Variants in PLBD2 observed in about 807,000 individuals in gnomAD.
PLBD2 encodes putative aminopeptidase PLBD2.
In PLBD2, 51 loss-of-function variants were observed where a neutral mutation model predicts 68.3. The observed-to-expected ratio is 0.75, with a 90% confidence interval of 0.60 to 0.94. The LOEUF (loss-of-function observed/expected upper bound fraction) is 0.94, where lower values mean the gene tolerates loss of function less well. Among genes scored for constraint, PLBD2 ranks in the 40% least tolerant of loss-of-function variants. The pLI is 0.00. For missense variants in PLBD2, 729 were observed against 792.2 expected (o/e 0.92, Z 0.96); for synonymous variants, 314 against 339.3 (o/e 0.93, Z 0.82).
intron 1 of PLBD2, among the ~76,000 whole-genome samples, chr12:113,359,842 CA>C (rs1593276083): frequency 2.0e-5 from 3 of 152,200 alleles, no homozygotes; most frequent in Admixed American, 2.0e-4. Context: ...GGATCAGCTT[CA>C]AAGCCTTGTC....
chr12:113,367,108 G>A (rs984924861), intron 1 of PLBD2, among the ~76,000 whole-genome samples: 3 of 152,052 alleles, frequency 2.0e-5, no homozygotes, highest in African/African-American at 4.8e-5. Context: ...GCTTGGCCCC[G>A]TATTCTCAAT....
chr12:113,379,155 A>G (rs1411471965), intron 5 of PLBD2, among the ~76,000 whole-genome samples: 3 of 152,094 alleles, frequency 2.0e-5, no homozygotes, highest in Admixed American at 6.6e-5. Context: ...TAAAAATACA[A>G]AAATTAGCTA....
In PLBD2 at chr12:113,384,026, G is replaced by A; in HGVS notation, c.958-79G>A. On this transcript the variant is annotated intron_variant, in intron 6 of 11. Coordinates refer to ENST00000280800, the MANE Select transcript of PLBD2 (RefSeq NM_173542.4). The surrounding 1 kb of genome is among the most constrained non-coding windows in gnomAD (Gnocchi z 4.2). ...AAAAAAAAAAAAAAAAAAAATTTTT[G>A]GAGCCATGACTGATGAAGTACTGCC... The A allele has an allele frequency of 1.1e-6, 1 of 903,050 alleles. No individual in the cohort carries two copies. The highest frequency in any genetic ancestry group is 1.5e-6 in the Non-Finnish European group (1 of 650,758). The allele number at this position is 903,050 out of a possible 1,614,324, so 55.9% of individuals were successfully genotyped here. A position where few individuals can be genotyped will look rare whatever the true frequency, so the allele number is the denominator to read the frequency against.
intron 8 of PLBD2, 95 bp from the exon 9 acceptor site, chr12:113,385,117 G>A (rs1484502016): frequency 7.1e-7 from 1 of 1,415,114 alleles, no homozygotes; most frequent in African/African-American, 1.4e-5. Flanking sequence ...CCATCCTCCA[G>A]GCAATGGGGA....
At chr12:113,373,926 C>A (rs1026479803) in intron 3 of PLBD2, among the ~76,000 whole-genome samples, 1 of 148,096 alleles carries the variant, frequency 6.8e-6, no homozygotes, top group African/African-American at 2.5e-5. Context: ...CCCACTCACC[C>A]ACCCATACAT....
At chr12:113,368,855 G>T (rs1271977514) in intron 1 of PLBD2, among the ~76,000 whole-genome samples, 4 of 152,132 alleles carry the variant, frequency 2.6e-5, no homozygotes, top group Admixed American at 2.6e-4. Flanking sequence ...TGTTATTGTG[G>T]GTAAGGGAAT....
intron 2 of PLBD2, among the ~76,000 whole-genome samples, chr12:113,370,493 T>TTTTTTTTTTTTTG (rs1957380700): frequency 6.9e-6 from 1 of 144,506 alleles, no homozygotes; most frequent in Non-Finnish European, 1.5e-5. Context: ...TTTTTTTTTT[T>TTTTTTTTTTTTTG]TGAGACAGAG....
At chr12:113,360,431 G>A (rs1206937178) in intron 1 of PLBD2, among the ~76,000 whole-genome samples, 1 of 152,232 alleles carries the variant, frequency 6.6e-6, no homozygotes, top group Non-Finnish European at 1.5e-5. Flanking sequence ...TTGGCCTCTG[G>A]AGGCCCCTCC....
rs1483685403 is a variant in PLBD2 at position 113,358,713 on chromosome 12, T to A, written c.113T>A (p.Leu38Gln). The A allele has an allele frequency of 7.2e-7, 1 of 1,395,182 alleles. No homozygotes were observed. The highest frequency in any genetic ancestry group is 3.1e-5 in the East Asian group (1 of 32,574). 86.4% of individuals were successfully genotyped at this position (1,395,182 alleles called of 1,614,324 possible). Residue 38 changes from leucine (L) to glutamine (Q), a missense_variant, in exon 1 of 12, where the codon CTG becomes CAG. Physicochemically the swap from Leu to Gln is moderately radical, Grantham distance 113. Transcript: ENST00000280800. ...ALLVGPFLSG[L>Q]AGAIPAPGGR... ...CTGGTCGGGCCGTTCCTGAGCGGCC[T>A]GGCGGGGGCGATCCCAGCGCCGGGG... is the stretch of plus-strand genomic sequence containing the variant.
At chr12:113,368,445 G>A (rs965799582) in intron 1 of PLBD2, among the ~76,000 whole-genome samples, 3 of 152,200 alleles carry the variant, frequency 2.0e-5, no homozygotes, top group African/African-American at 2.4e-5. Context: ...TGGGCTGGCC[G>A]GGGCTTGTTC....
At chr12:113,386,539 A>G (rs1957554899) in intron 9 of PLBD2, among the ~76,000 whole-genome samples, 1 of 139,312 alleles carries the variant, frequency 7.2e-6, no homozygotes, top group African/African-American at 2.7e-5. Context: ...TTTTTTTTTG[A>G]GACGGAGTCT....
intron 1 of PLBD2, among the ~76,000 whole-genome samples, chr12:113,366,974 T>C (rs1399763611): frequency 6.6e-6 from 1 of 152,122 alleles, no homozygotes; most frequent in Non-Finnish European, 1.5e-5. Flanking sequence ...AGTGTACCAC[T>C]ACACCCAGCT....
chr12:113,358,708 C>A lies in PLBD2; in HGVS notation c.108C>A (p.Ser36Arg). 7.1e-7 allele frequency: 1 copy of A among 1,398,964 alleles called. No homozygotes were observed. The highest frequency in any genetic ancestry group is 9.2e-7 in the Non-Finnish European group (1 of 1,084,192). 86.7% of individuals were successfully genotyped at this position (1,398,964 alleles called of 1,614,324 possible). Reference sequence around the variant, plus strand: ...CCCTGCTGGTCGGGCCGTTCCTGAGCGGCCTGGCGGGGGCGATCCCAGCGC... The same window carrying A: ...CCCTGCTGGTCGGGCCGTTCCTGAGAGGCCTGGCGGGGGCGATCCCAGCGC... Reference protein sequence around the residue: ...VLALLVGPFLSGLAGAIPAPG... With the variant: ...VLALLVGPFLRGLAGAIPAPG... The change falls in exon 1 of 12, where the codon AGC becomes AGA. Residue 36 changes from serine (S) to arginine (R), a missense_variant. By Grantham distance (110) the Ser-to-Arg change is moderately radical. Coordinates refer to ENST00000280800, the MANE Select transcript of PLBD2 (RefSeq NM_173542.4).
intron 10 of PLBD2, 21 bp downstream of exon 10, chr12:113,387,110 G>T: frequency 1.3e-6 from 2 of 1,545,750 alleles, no homozygotes; most frequent in Non-Finnish European, 1.7e-6. Flanking sequence ...GTTGGGTGGT[G>T]GGTTGGGGAG....
rs915149235 is a variant in PLBD2, at chr12:113,384,619, G to A, written c.1119-232G>A. On this transcript the variant is annotated intron_variant, in intron 7 of 11. Transcript: ENST00000280800. The surrounding 1 kb of genome is among the most constrained non-coding windows in gnomAD (Gnocchi z 4.2). The stretch of plus-strand genomic sequence containing the variant: ...GGCAGTGCAGATCTTACAGCATCCG[G>A]CAGAGGAGCTGACCTAGGGAGCCAC... Among the ~76,000 whole-genome samples the A allele has an allele frequency of 2.0e-5, 3 of 152,294 alleles. No homozygotes were observed. The highest frequency in any genetic ancestry group is 6.5e-5 in the Admixed American group (1 of 15,296).
chr12:113,372,565 T>C lies in PLBD2; in HGVS notation c.385-84T>C. On this transcript the variant is annotated intron_variant, in intron 2 of 11. Coordinates refer to ENST00000280800, the MANE Select transcript of PLBD2 (RefSeq NM_173542.4). The surrounding 1 kb of genome is among the most constrained non-coding windows in gnomAD (Gnocchi z 4.2). ...AGGTGGCCACACCAGCAGCCTCCGC[T>C]CTGGGGCAGCCTGGGTGGGGGGCTC... 6.8e-7 allele frequency: 1 copy of C among 1,476,590 alleles called. No homozygotes were observed. Among genetic ancestry groups the C allele is most frequent in the Non-Finnish European group, 9.2e-7 (1 of 1,081,406 alleles). 91.5% of individuals were successfully genotyped at this position (1,476,590 alleles called of 1,614,324 possible).
chr12:113,368,890 G>A lies in PLBD2; in HGVS notation c.291-226G>A, dbSNP rs117643630. Among the ~76,000 whole-genome samples, 941 of 152,252 alleles carry A rather than the reference G, an allele frequency of 6.2e-3. 7 individuals carry two copies. Among genetic ancestry groups the A allele is most frequent in the Middle Eastern group, 0.02 (6 of 294 alleles). The stretch of plus-strand genomic sequence containing the variant: ...TATAGATATGTTCTGCATTTTTGGG[G>A]GAGGCTGTTTGTCAATATCTATGAA... On this transcript the variant is annotated intron_variant, in intron 1 of 11. Coordinates refer to ENST00000280800, the MANE Select transcript of PLBD2 (RefSeq NM_173542.4).
Position 113,388,562 on chromosome 12 carries a change from GC to G in PLBD2, c.1708del (p.Leu570CysfsTer33). 6.2e-7 allele frequency: 1 copy of G among 1,610,974 alleles called. No individual in the cohort carries two copies. On this transcript the variant is annotated frameshift_variant, in exon 12 of 12. Transcript: ENST00000280800. LOFTEE classifies it high-confidence loss of function. ...CAGTGGAGCACCTCGCCCTTCAGCG[GC>G]CTGCTGCACATGGGCCAGCCAGACC... ...PFQWSTSPFS[G>X]LLHMGQPDLW...
intron 1 of PLBD2, among the ~76,000 whole-genome samples, chr12:113,363,950 C>T (rs1479728467): frequency 6.6e-6 from 1 of 152,168 alleles, no homozygotes; most frequent in Non-Finnish European, 1.5e-5. Context: ...GGGCTTAGTT[C>T]GTGCCTACCA....
Sources: allele counts gnomAD v4.1 joint callset (sites outside exome capture counted in the v4.1 genomes callset), GRCh38; gene constraint gnomAD v4.1.1; non-coding constraint Gnocchi (gnomAD v3.1); transcripts MANE v1.5; gene names NCBI Gene and HGNC (gene_info 2026-07-23, HGNC 2026-07-21).